The following SEPTIN7 variants were observed in gnomAD, a reference collection of about 807,000 sequenced individuals.
SEPTIN7 encodes the protein septin 7, also known as septin-7.
SEPTIN7 carries 10 observed loss-of-function variants against 63.3 expected under a neutral mutation model. The observed-to-expected ratio is 0.16, with a 90% CI of 0.10 to 0.27. The LOEUF is 0.27. SEPTIN7 is among the 10% of genes least tolerant of loss of function. The probability of loss-of-function intolerance (pLI) is 1.00; values close to 1 mark genes in which losing one functional copy is unlikely to be tolerated. For missense variants in SEPTIN7, 310 were observed against 521.0 expected (o/e 0.59, Z 3.94); for synonymous variants, 131 against 165.3 (o/e 0.79, Z 1.59).
At chr7:35,835,573 A>G (rs1395534691) in intron 3 of SEPTIN7, among the ~76,000 whole-genome samples, 1 of 152,198 alleles carries the variant, frequency 6.6e-6, no homozygotes, top group Non-Finnish European at 1.5e-5. Context: ...CACCATGCAG[A>G]GGCTAATCTG....
intron 10 of SEPTIN7, 67 bp downstream of exon 10, chr7:35,885,946 A>G: frequency 2.7e-6 from 3 of 1,106,142 alleles, no homozygotes; most frequent in Non-Finnish European, 2.7e-6. Flanking sequence ...GGACAGATTT[A>G]CTTTTTGCCT....
rs1170987525 is a variant in SEPTIN7 at position 35,833,447 on chromosome 7, C to T, written c.169+547C>T. Among the ~76,000 whole-genome samples the T allele has an allele frequency of 3.3e-5, 5 of 151,972 alleles. No homozygotes were observed. The East Asian group carries it at 7.7e-4, about 23-fold the overall frequency. On this transcript the variant is annotated intron_variant, in intron 3 of 13. Coordinates refer to ENST00000350320, the MANE Select transcript of SEPTIN7 (RefSeq NM_001788.6). ...GTGTGTTATTCCATGAACACATTAC[C>T]CTGCCTATAGTCCATTTGAAAATAC... is the stretch of plus-strand genomic sequence containing the variant.
chr7:35,847,826 A>G (rs1784762145), intron 3 of SEPTIN7: 1 of 152,252 alleles, frequency 6.6e-6, no homozygotes, highest in African/African-American at 2.4e-5. Context: ...ACGTTTTGGT[A>G]TATGAGATTT....
chr7:35,889,226 C>T (rs541436966), intron 10 of SEPTIN7, among the ~76,000 whole-genome samples: 7 of 152,248 alleles, frequency 4.6e-5, no homozygotes, highest in East Asian at 1.9e-4. Flanking sequence ...CAGTGTCAGC[C>T]GCCAGATATG....
intron 10 of SEPTIN7, among the ~76,000 whole-genome samples, chr7:35,886,798 G>A (rs1195745160): frequency 1.3e-5 from 2 of 152,200 alleles, no homozygotes; most frequent in African/African-American, 4.8e-5. Flanking sequence ...TGGAAATCAT[G>A]GAATAACAAG....
At chr7:35,877,451 T>C (rs1441601737) in intron 6 of SEPTIN7, among the ~76,000 whole-genome samples, 1 of 152,208 alleles carries the variant, frequency 6.6e-6, no homozygotes, top group East Asian at 1.9e-4. Context: ...CCCCCAGTTT[T>C]AATATATATG....
At chr7:35,859,992 A>C (rs1271473296) in intron 3 of SEPTIN7, among the ~76,000 whole-genome samples, 1 of 152,154 alleles carries the variant, frequency 6.6e-6, no homozygotes, top group African/African-American at 2.4e-5. Context: ...CTTATAAGGA[A>C]GAACTAACTT....
intron 1 of SEPTIN7, among the ~76,000 whole-genome samples, chr7:35,813,153 G>A (rs1489636477): frequency 2.6e-5 from 4 of 152,112 alleles, no homozygotes; most frequent in Admixed American, 2.6e-4. Context: ...TCATCAAGAT[G>A]TTATCCCAAT....
At chr7:35,890,559 A>C in intron 10 of SEPTIN7, 109 bp from the exon 11 acceptor site, 3 of 956,718 alleles carry the variant, frequency 3.1e-6, no homozygotes, top group Non-Finnish European at 4.2e-6. Flanking sequence ...GTTCATTTTA[A>C]ATCTGAAATT....
rs775655815 is a variant in SEPTIN7, at chr7:35,886,651, C to T, written c.872+772C>T. 2.0e-5 allele frequency among the ~76,000 whole-genome samples: 3 copies of T among 152,232 alleles called. No individual in the cohort carries two copies. In the South Asian group the frequency reaches 6.2e-4, roughly 32 times the overall value. ...TGCTTCTCTACACCTTTACCACATA[C>T]TCTCTTTAACCTTCAGTTTTAGATG... On this transcript the variant is annotated intron_variant, in intron 10 of 13. Coordinates refer to ENST00000350320, the MANE Select transcript of SEPTIN7 (RefSeq NM_001788.6).
intron 3 of SEPTIN7, among the ~76,000 whole-genome samples, chr7:35,833,693 G>T (rs565966160): frequency 1.2e-4 from 18 of 152,088 alleles, no homozygotes; most frequent in African/African-American, 4.1e-4. Context: ...AAGGTGAATT[G>T]CAGGGTAGTG....
intron 10 of SEPTIN7, among the ~76,000 whole-genome samples, chr7:35,887,473 A>G (rs1330366967): frequency 6.6e-6 from 1 of 152,070 alleles, no homozygotes; most frequent in Non-Finnish European, 1.5e-5. Flanking sequence ...CAGCTTCCTG[A>G]GTAGCTGGGA....
chr7:35,896,148 C>T (rs1472301478), intron 11 of SEPTIN7, among the ~76,000 whole-genome samples: 1 of 152,164 alleles, frequency 6.6e-6, no homozygotes, highest in African/African-American at 2.4e-5. Flanking sequence ...TATCCGCAGT[C>T]TCTTATTTTC....
intron 1 of SEPTIN7, among the ~76,000 whole-genome samples, chr7:35,810,671 T>C (rs1460121469): frequency 6.6e-6 from 1 of 152,130 alleles, no homozygotes; most frequent in Non-Finnish European, 1.5e-5. Flanking sequence ...ACAGCAGCAG[T>C]TGCTTCAGAC....
Position 35,865,523 on chromosome 7 carries a change from A to G in SEPTIN7, c.276+1865A>G, listed in dbSNP as rs919918248. On this transcript the variant is annotated intron_variant, in intron 4 of 13. Transcript: ENST00000350320. ...GTGTGAATGTATCAGTATATCATTT[A>G]TTGTTTATTTTAGATAAGCCTTTGG... 5.3e-5 allele frequency among the ~76,000 whole-genome samples: 8 copies of G among 151,612 alleles called. No homozygotes were observed. In the East Asian group the frequency reaches 5.8e-4, roughly 11 times the overall value.
intron 1 of SEPTIN7, among the ~76,000 whole-genome samples, chr7:35,804,838 T>TG (rs1432459993): frequency 3.4e-4 from 50 of 147,588 alleles, no homozygotes; most frequent in African/African-American, 8.9e-4. Flanking sequence ...TTTTTTTGTT[T>TG]TTTTTTTTTT....
intron 6 of SEPTIN7, among the ~76,000 whole-genome samples, chr7:35,874,612 G>C (rs957335929): frequency 6.6e-6 from 1 of 152,064 alleles, no homozygotes; most frequent in East Asian, 1.9e-4. Context: ...TCACATTACA[G>C]TAGTGTAAAC....
At chr7:35,858,442 G>A (rs772283595) in intron 3 of SEPTIN7, among the ~76,000 whole-genome samples, 5 of 151,962 alleles carry the variant, frequency 3.3e-5, no homozygotes, top group Middle Eastern at 3.4e-3. Context: ...TGCAACCTCC[G>A]CCTCCCAGAT....
At chr7:35,807,784 C>A (rs191996945) in intron 1 of SEPTIN7, among the ~76,000 whole-genome samples, 2 of 152,116 alleles carry the variant, frequency 1.3e-5, no homozygotes, top group East Asian at 3.9e-4. Context: ...AGGTGTGAGC[C>A]ACCGCACCTG....
Sources: allele counts gnomAD v4.1 joint callset (sites outside exome capture counted in the v4.1 genomes callset), GRCh38; gene constraint gnomAD v4.1.1; transcripts MANE v1.5; gene names NCBI Gene and HGNC (gene_info 2026-07-23, HGNC 2026-07-21).